The following TCN2 variants were observed in gnomAD, a reference collection of about 807,000 sequenced individuals.
TCN2 encodes transcobalamin 2.
A neutral mutation model predicts 48.6 loss-of-function variants in TCN2; 34 were observed. That is an observed-to-expected ratio of 0.70 (90% CI 0.53 to 0.93). The LOEUF is 0.93. Ranked by LOEUF, TCN2 falls within the 40% of genes least tolerant of loss-of-function variation. TCN2 has a pLI of 0.00. For synonymous variants in TCN2, 283 were observed against 212.5 expected, an observed-to-expected ratio of 1.33 and a Z score of -2.89; for missense variants, 652 against 526.1, an observed-to-expected ratio of 1.24 and a Z score of -2.34.
chr22:30,623,857 C>CATACACAT lies in TCN2; in HGVS notation c.1222+781_1222+782insTATACACA, dbSNP rs2087748085. On this transcript the variant is annotated intron_variant, in intron 8 of 8. Coordinates refer to ENST00000215838, the MANE Select transcript of TCN2 (RefSeq NM_000355.4). ...ATATACACACACATACATACACATA[C>CATACACAT]ATACACACATATATACACACATATA... Among the ~76,000 whole-genome samples the CATACACAT allele has an allele frequency of 8.3e-5, 2 of 24,090 alleles. 1 individual carries two copies. Among genetic ancestry groups the CATACACAT allele is most frequent in the Non-Finnish European group, 1.5e-4 (2 of 13,716 alleles). The allele number at this position is 24,090 out of a possible 152,430, so 15.8% of individuals were successfully genotyped here.
chr22:30,623,919 T>TATATGTATACATATATACACACAA (rs1569046840), intron 8 of TCN2, among the ~76,000 whole-genome samples: 1 of 11,930 alleles, frequency 8.4e-5, no homozygotes, highest in Non-Finnish European at 1.6e-4. Context: ...TATACACACA[T>TATATGTATACATATATACACACAA]ATATATGTAT....
chr22:30,617,622 A>C (rs1474778125), intron 7 of TCN2, 127 bp downstream of exon 7: 1 of 1,269,888 alleles, frequency 7.9e-7, no homozygotes, highest in Non-Finnish European at 1.1e-6. Context: ...TTCTGCTTCT[A>C]CCTGCTCAGC....
At chr22:30,624,860 C>T (rs887401933) in intron 8 of TCN2, among the ~76,000 whole-genome samples, 3 of 152,200 alleles carry the variant, frequency 2.0e-5, no homozygotes, top group African/African-American at 4.8e-5. Context: ...AATTTGAGTT[C>T]TCTTTTGTCT....
chr22:30,610,543 A>G (rs574926190), intron 1 of TCN2, among the ~76,000 whole-genome samples: 1 of 152,366 alleles, frequency 6.6e-6, no homozygotes, highest in Admixed American at 6.5e-5. Flanking sequence ...ATGAGGACCA[A>G]GTGAGATTGG....
At chr22:30,624,536 A>ATTT (rs1555896398) in intron 8 of TCN2, among the ~76,000 whole-genome samples, 2 of 151,790 alleles carry the variant, frequency 1.3e-5, no homozygotes, top group Non-Finnish European at 2.9e-5. Context: ...ACAAAAAAGC[A>ATTT]TTCTTTTCTT....
rs1569047354 is a variant in TCN2, at chr22:30,624,078, ATATTTT to A, written c.1222+997_1222+1002del. Among the ~76,000 whole-genome samples, 376 of 80,352 alleles carry A rather than the reference ATATTTT, an allele frequency of 4.7e-3. 54 individuals carry two copies. Among genetic ancestry groups the A allele is most frequent in the East Asian group, 0.039 (117 of 3,004 alleles). 52.7% of individuals were successfully genotyped at this position (80,352 alleles called of 152,430 possible). Reference sequence around the variant, plus strand: ...CACACACACATATATATATATATATATATTTTTTTTTTTTGAGATGGAGTCTTGCTC... The same window carrying A: ...CACACACACATATATATATATATATATTTTTTTTGAGATGGAGTCTTGCTC... On this transcript the variant is annotated intron_variant, in intron 8 of 8. Coordinates refer to ENST00000215838, the MANE Select transcript of TCN2 (RefSeq NM_000355.4).
Position 30,612,254 on chromosome 22 carries a change from A to T in TCN2, c.258-619A>T, listed in dbSNP as rs536334000. Among the ~76,000 whole-genome samples, 8 of 150,938 alleles carry T rather than the reference A, an allele frequency of 5.3e-5. No individual in the cohort carries two copies. In the East Asian group the frequency reaches 7.8e-4, roughly 15 times the overall value. Reference sequence around the variant, plus strand: ...AGAGACCCTATCTCAGTAAAAAAAAAAAATAAAAATATGGCTGGGTGTGGT... The same window carrying T: ...AGAGACCCTATCTCAGTAAAAAAAATAAATAAAAATATGGCTGGGTGTGGT... On this transcript the variant is annotated intron_variant, in intron 2 of 8. Transcript: ENST00000215838.
At chr22:30,622,469 C>G (rs1325004220) in intron 7 of TCN2, among the ~76,000 whole-genome samples, 5 of 152,182 alleles carry the variant, frequency 3.3e-5, no homozygotes, top group African/African-American at 1.2e-4. Context: ...CATGTAGAAT[C>G]AGAGAGGAGG....
At chr22:30,624,640 G>T (rs1006597189) in intron 8 of TCN2, among the ~76,000 whole-genome samples, 1 of 152,182 alleles carries the variant, frequency 6.6e-6, no homozygotes, top group Admixed American at 6.5e-5. Flanking sequence ...AGACAGGAGG[G>T]TGAGAGCTAG....
intron 1 of TCN2, among the ~76,000 whole-genome samples, chr22:30,609,012 T>G (rs1466193822): frequency 6.6e-6 from 1 of 151,896 alleles, no homozygotes; most frequent in Non-Finnish European, 1.5e-5. Flanking sequence ...CTCCCCTGCC[T>G]TCCTCCTCGG....
intron 1 of TCN2, chr22:30,610,281 A>G (rs2087517345): frequency 6.4e-6 from 3 of 471,038 alleles, no homozygotes; most frequent in African/African-American, 4.0e-5. Flanking sequence ...GAGGAAGTTC[A>G]CCAGGCAGCC....
rs1480184568 is a variant in TCN2, at chr22:30,620,428, G to C, written c.1107-2540G>C. The stretch of plus-strand genomic sequence containing the variant: ...TGCGGAGGTGCTGGCCTGCACTTTA[G>C]CACCTCCCTGTATTCAAGCTGCAGT... On this transcript the variant is annotated intron_variant, in intron 7 of 8. Transcript: ENST00000215838. Among the ~76,000 whole-genome samples, 5 of 152,240 alleles carry C rather than the reference G, an allele frequency of 3.3e-5. No homozygotes were observed. The South Asian group carries it at 6.2e-4, about 19-fold the overall frequency.
rs1602043944 is a variant in TCN2, at chr22:30,611,215, T to C, written c.257+152T>C. The stretch of plus-strand genomic sequence containing the variant: ...GGAGGACCTTTGTCCATCTATAGAA[T>C]GAAGGGGTTGGTTGGATTAGATCAG... On this transcript the variant is annotated intron_variant, in intron 2 of 8. Coordinates refer to ENST00000215838, the MANE Select transcript of TCN2 (RefSeq NM_000355.4). 20 of 918,736 alleles carry C rather than the reference T, an allele frequency of 2.2e-5. No individual in the cohort carries two copies. The South Asian group carries it at 2.6e-4, about 12-fold the overall frequency. The allele number at this position is 918,736 out of a possible 1,614,324, so 56.9% of individuals were successfully genotyped here.
intron 6 of TCN2, among the ~76,000 whole-genome samples, 189 bp downstream of exon 6, chr22:30,615,976 AT>A (rs2087607949): frequency 6.6e-6 from 1 of 152,008 alleles, no homozygotes; most frequent in Non-Finnish European, 1.5e-5. Context: ...AAGACAGTAA[AT>A]GGAGATCCCT....
intron 7 of TCN2, among the ~76,000 whole-genome samples, chr22:30,622,090 C>T (rs965854762): frequency 2.6e-5 from 4 of 152,210 alleles, no homozygotes; most frequent in Admixed American, 6.5e-5. Flanking sequence ...CGGGTTCAAG[C>T]GGTTCTCCTG....
intron 1 of TCN2, among the ~76,000 whole-genome samples, chr22:30,608,641 C>T (rs898753730): frequency 2.6e-5 from 4 of 152,066 alleles, no homozygotes; most frequent in South Asian, 4.2e-4. Flanking sequence ...ACTCTTGCGT[C>T]GGCCTCCCAA....
chr22:30,608,822 T>C (rs2087492067), intron 1 of TCN2, among the ~76,000 whole-genome samples: 1 of 152,162 alleles, frequency 6.6e-6, no homozygotes, highest in Non-Finnish European at 1.5e-5. Context: ...CAAGAGCTCT[T>C]CCTCCTGGCT....
chr22:30,608,840 T>A (rs2087492442), intron 1 of TCN2, among the ~76,000 whole-genome samples: 1 of 152,188 alleles, frequency 6.6e-6, no homozygotes, highest in African/African-American at 2.4e-5. Context: ...GCTGATCTGG[T>A]CCTCAGCCTT....
Position 30,626,778 on chromosome 22 carries a change from T to C in TCN2, c.*257T>C. 1 of 583,528 alleles carries C rather than the reference T, an allele frequency of 1.7e-6. No individual in the cohort carries two copies. Among genetic ancestry groups the C allele is most frequent in the Non-Finnish European group, 3.1e-6 (1 of 325,610 alleles). 36.1% of individuals were successfully genotyped at this position (583,528 alleles called of 1,614,324 possible). A position where few individuals can be genotyped will look rare whatever the true frequency, so the allele number is the denominator to read the frequency against. The stretch of plus-strand genomic sequence containing the variant: ...CCAGCCTGGCCCTGCAGGTCTCCCA[T>C]GAAGGCCACCCCATGGTCTGATGGG... On this transcript the variant is annotated 3_prime_UTR_variant, in exon 9 of 9. Coordinates refer to ENST00000215838, the MANE Select transcript of TCN2 (RefSeq NM_000355.4).
Sources: allele counts gnomAD v4.1 joint callset (sites outside exome capture counted in the v4.1 genomes callset), GRCh38; gene constraint gnomAD v4.1.1; transcripts MANE v1.5; gene names NCBI Gene and HGNC (gene_info 2026-07-23, HGNC 2026-07-21).